UTP18: variants seen among roughly 807,000 people sequenced by gnomAD.
UTP18 encodes the protein U3 small nucleolar RNA-associated protein 18 homolog.
Under a neutral mutation model 61.1 loss-of-function variants are expected in UTP18, and 36 were observed. That is an observed-to-expected ratio of 0.59 (90% confidence interval 0.45 to 0.78). The LOEUF (loss-of-function observed/expected upper bound fraction) is 0.78. Among genes scored for constraint, UTP18 ranks in the 30% least tolerant of loss-of-function variants. The probability of loss-of-function intolerance (pLI) is 0.00; values close to 1 mark genes in which losing one functional copy is unlikely to be tolerated. For missense variants in UTP18, 753 were observed against 693.9 expected (o/e 1.09, Z -0.96); for synonymous variants, 282 against 251.1 (o/e 1.12, Z -1.16).
Position 51,260,854 on chromosome 17 carries a change from C to G in UTP18, c.270C>G (p.Cys90Trp), listed in dbSNP as rs2144374053. 6.2e-7 allele frequency: 1 copy of G among 1,601,264 alleles called. No homozygotes were observed. Among genetic ancestry groups the G allele is most frequent in the South Asian group, 1.1e-5 (1 of 89,252 alleles). The change falls in exon 1 of 14, where the codon TGC (cysteine) becomes TGG (tryptophan). Residue 90 changes from cysteine (C) to tryptophan (W), a missense_variant. Cys to Trp is a radical substitution (Grantham distance 215, BLOSUM62 -2). Coordinates refer to ENST00000225298, the MANE Select transcript of UTP18 (RefSeq NM_016001.3). ...LEEDKPAVER[C>W]LEELVFGDVE... is the part of the protein sequence containing the mutation. ...AGGACAAACCGGCCGTGGAGCGGTG[C>G]TTGGAGGAGCTGGTCTTCGGCGACG... is the stretch of plus-strand genomic sequence containing the variant.
At chr17:51,268,807 T>G (rs1904400871) in intron 3 of UTP18, 30 bp from the exon 4 acceptor site, 1 of 1,597,714 alleles carries the variant, frequency 6.3e-7, no homozygotes, top group Non-Finnish European at 8.6e-7. Context: ...GTGGTTGCCA[T>G]AAATATATTT....
chr17:51,260,664 C>T lies in UTP18; in HGVS notation c.80C>T (p.Pro27Leu), dbSNP rs773796573. ...CCGAAGCGGAAGCCCGGAATGAGGCCGGACTGGAAAGCCGGAGCGGGGCCA... is the reference window on the plus strand; with the variant it reads ...CCGAAGCGGAAGCCCGGAATGAGGCTGGACTGGAAAGCCGGAGCGGGGCCA... ...AKPKRKPGMR[P>L]DWKAGAGPGG... Residue 27 changes from proline to leucine, a missense_variant, in exon 1 of 14, where the codon CCG becomes CTG. By Grantham distance (98) the Pro-to-Leu change is moderately conservative (BLOSUM62 -3). Transcript: ENST00000225298. 1.2e-6 allele frequency: 2 copies of T among 1,612,038 alleles called. No individual in the cohort carries two copies. The highest frequency in any genetic ancestry group is 1.7e-6 in the Non-Finnish European group (2 of 1,179,540).
rs761059679 is a variant in UTP18, at chr17:51,260,560, C to T, written c.-25C>T. ...TGCGCAGCGAGGTTCCACGTGAGCGCCTGCGTTTCTCCTCAAACCTAACGA... is the reference window on the plus strand; with the variant it reads ...TGCGCAGCGAGGTTCCACGTGAGCGTCTGCGTTTCTCCTCAAACCTAACGA... On this transcript the variant is annotated 5_prime_UTR_variant, in exon 1 of 14. Transcript: ENST00000225298. 6.3e-7 allele frequency: 1 copy of T among 1,599,922 alleles called. No homozygotes were observed. The highest frequency in any genetic ancestry group is 8.5e-7 in the Non-Finnish European group (1 of 1,175,010).
chr17:51,270,174 CCTTTT>C (rs1285231744), intron 4 of UTP18, among the ~76,000 whole-genome samples: 3 of 152,070 alleles, frequency 2.0e-5, no homozygotes, highest in Admixed American at 6.6e-5. Context: ...CCCCTTCTTC[CCTTTT>C]CTTTAAGAAC....
chr17:51,260,566 T>C lies in UTP18; in HGVS notation c.-19T>C. On this transcript the variant is annotated 5_prime_UTR_variant, in exon 1 of 14. Transcript: ENST00000225298. ...GCGAGGTTCCACGTGAGCGCCTGCG[T>C]TTCTCCTCAAACCTAACGATGCCGC... 6.2e-7 allele frequency: 1 copy of C among 1,603,336 alleles called. No individual in the cohort carries two copies. Among genetic ancestry groups the C allele is most frequent in the Non-Finnish European group, 8.5e-7 (1 of 1,176,390 alleles).
chr17:51,292,019 G>A lies in UTP18; in HGVS notation c.1504-1884G>A, dbSNP rs1905252288. On this transcript the variant is annotated intron_variant, in intron 11 of 13. Coordinates refer to ENST00000225298, the MANE Select transcript of UTP18 (RefSeq NM_016001.3). Reference sequence around the variant, plus strand: ...CTTTGGATCATCTGTTCATAGTTGGGGCATGCTTGAAGGATACAAACTTAC... The same window carrying A: ...CTTTGGATCATCTGTTCATAGTTGGAGCATGCTTGAAGGATACAAACTTAC... Among the ~76,000 whole-genome samples the A allele has an allele frequency of 2.0e-5, 3 of 152,070 alleles. No homozygotes were observed. The South Asian group carries it at 6.2e-4, about 32-fold the overall frequency.
At chr17:51,277,392 A>G (rs1344362359) in intron 7 of UTP18, 88 bp downstream of exon 7, 2 of 1,398,554 alleles carry the variant, frequency 1.4e-6, no homozygotes, top group East Asian at 2.3e-5. Context: ...TTCACTCCAT[A>G]GGATTCTTAA....
At chr17:51,280,142 A>G in intron 8 of UTP18, 37 bp downstream of exon 8, 6 of 1,583,610 alleles carry the variant, frequency 3.8e-6, no homozygotes, top group Non-Finnish European at 5.2e-6. Context: ...CTTCTCCCAC[A>G]AGACACTAGT....
At chr17:51,262,054 A>C (rs190846467) in intron 1 of UTP18, among the ~76,000 whole-genome samples, 154 of 152,200 alleles carry the variant, frequency 1.0e-3, no homozygotes, top group African/African-American at 3.5e-3. Flanking sequence ...GGGAAGCTCA[A>C]ACTCACTTCA....
chr17:51,276,475 G>A (rs35125986), intron 6 of UTP18, among the ~76,000 whole-genome samples: 4,204 of 152,246 alleles, frequency 0.028, 81 homozygotes, highest in Middle Eastern at 0.051. Context: ...CTACAAAAAC[G>A]TGTTCTTTTA....
chr17:51,286,819 G>A (rs1054258558), intron 10 of UTP18, among the ~76,000 whole-genome samples: 8 of 151,666 alleles, frequency 5.3e-5, no homozygotes, highest in African/African-American at 2.0e-4. Flanking sequence ...CTCATTATAA[G>A]TAGTTTTTAA....
At chr17:51,282,608 G>A (rs1307337907) in intron 9 of UTP18, among the ~76,000 whole-genome samples, 1 of 152,068 alleles carries the variant, frequency 6.6e-6, no homozygotes, top group African/African-American at 2.4e-5. Flanking sequence ...GTCGGGGAGG[G>A]AGAAGAGGTT....
intron 5 of UTP18, 26 bp downstream of exon 5, chr17:51,273,476 C>T: frequency 1.3e-6 from 2 of 1,553,336 alleles, no homozygotes; most frequent in East Asian, 2.3e-5. Flanking sequence ...GTTGGGGGAT[C>T]CTATCTAACT....
rs144482693 is a variant in UTP18, at chr17:51,283,589, T to C, written c.1205-1656T>C. ...TGAAGAATTTACCTTTTTCTAACTTTACTGGTTTTGTCTTTGTTTACTCAT... is the reference window on the plus strand; with the variant it reads ...TGAAGAATTTACCTTTTTCTAACTTCACTGGTTTTGTCTTTGTTTACTCAT... On this transcript the variant is annotated intron_variant, in intron 9 of 13. Transcript: ENST00000225298. Among the ~76,000 whole-genome samples the C allele has an allele frequency of 6.6e-5, 10 of 152,082 alleles. 1 individual carries two copies. The highest frequency in any genetic ancestry group is 2.2e-4 in the African/African-American group (9 of 41,556).
intron 3 of UTP18, among the ~76,000 whole-genome samples, chr17:51,266,910 A>G (rs2055567278): frequency 6.6e-6 from 1 of 152,086 alleles, no homozygotes; most frequent in Non-Finnish European, 1.5e-5. Context: ...CCAGGCTGAA[A>G]TGGAGTGGTG....
intron 1 of UTP18, among the ~76,000 whole-genome samples, chr17:51,261,361 CT>C (rs1555705595): frequency 6.6e-6 from 1 of 152,240 alleles, no homozygotes; most frequent in Non-Finnish European, 1.5e-5. Flanking sequence ...CCCCATGTGA[CT>C]ATGAGACCCA....
chr17:51,288,806 G>A (rs1377813528), intron 11 of UTP18, among the ~76,000 whole-genome samples: 2 of 152,182 alleles, frequency 1.3e-5, no homozygotes, highest in Non-Finnish European at 2.9e-5. Context: ...TCAGCAAAGG[G>A]AAAGGGTACA....
intron 9 of UTP18, among the ~76,000 whole-genome samples, chr17:51,284,395 A>G (rs142136736): frequency 4.4e-4 from 67 of 151,882 alleles, no homozygotes; most frequent in African/African-American, 1.5e-3. Context: ...TTTTTTTTTT[A>G]ATCATTTAAA....
At position 51,295,115 on chromosome 17, in the gene UTP18, G is replaced by A. The variant is rs184714612; in HGVS notation, c.1646+1070G>A. On this transcript the variant is annotated intron_variant, in intron 12 of 13. Transcript: ENST00000225298. Reference sequence around the variant, plus strand: ...TGGATATTAGCCCTTTGTCAGATGAGTAGGTTGCGACAATTTTCTCCCATT... The same window carrying A: ...TGGATATTAGCCCTTTGTCAGATGAATAGGTTGCGACAATTTTCTCCCATT... 2.0e-5 allele frequency among the ~76,000 whole-genome samples: 3 copies of A among 152,272 alleles called. No individual in the cohort carries two copies. The East Asian group carries it at 5.8e-4, about 29-fold the overall frequency.
Sources: gnomAD v4.1 joint callset for allele counts (sites outside exome capture counted in the v4.1 genomes callset) on GRCh38, gnomAD v4.1.1 for gene constraint, MANE v1.5 for transcripts, NCBI Gene and HGNC (gene_info 2026-07-23, HGNC 2026-07-21) for gene names.